SEMA3A: variants seen among roughly 807,000 people sequenced by gnomAD.
The protein encoded by SEMA3A is semaphorin 3A.
A neutral mutation model predicts 97.9 loss-of-function variants in SEMA3A; 29 were observed. The observed-to-expected ratio is 0.30, with a 90% CI of 0.22 to 0.40. The LOEUF (loss-of-function observed/expected upper bound fraction) is 0.40. Ranked by LOEUF, SEMA3A falls within the 10% of genes least tolerant of loss-of-function variation. The pLI is 1.00. For missense variants in SEMA3A, 763 were observed against 951.3 expected (o/e 0.80, Z 2.60); for synonymous variants, 321 against 323.7 (o/e 0.99, Z 0.09).
intron 13 of SEMA3A, among the ~76,000 whole-genome samples, chr7:83,983,222 T>C (rs146748285): frequency 1.7e-5 from 2 of 117,248 alleles, no homozygotes; most frequent in South Asian, 2.4e-4. Context: ...TCCTTTTCTT[T>C]TTCTTTCTTT....
intron 3 of SEMA3A, among the ~76,000 whole-genome samples, chr7:84,299,283 T>C (rs1398797915): frequency 1.4e-5 from 2 of 141,082 alleles, no homozygotes; most frequent in Non-Finnish European, 3.0e-5. Context: ...TCTCCATATA[T>C]ATATCTATCT....
rs150613141 is a variant in SEMA3A at position 83,961,817 on chromosome 7, C to T, written c.1870G>A (p.Asp624Asn). Residue 624 changes from aspartate to asparagine, a missense_variant, in exon 17 of 17, where the codon GAT becomes AAT. Coordinates refer to ENST00000265362, the MANE Select transcript of SEMA3A (RefSeq NM_006080.3). The part of the protein sequence containing the change: ...NEERKEEIRV[D>N]DHIIRTDQGL... ...TGATCTGTCCTGATGATATGATCAT[C>T]CACTCTGATCTAGCAGGTTAAAAAA... 86 of 1,612,140 alleles carry T rather than the reference C, an allele frequency of 5.3e-5. No homozygotes were observed. In the African/African-American group the frequency reaches 1.1e-3, roughly 20 times the overall value.
chr7:84,088,902 T>C (rs565151067), intron 4 of SEMA3A, among the ~76,000 whole-genome samples: 46 of 152,134 alleles, frequency 3.0e-4, no homozygotes, highest in Non-Finnish European at 6.5e-4. Flanking sequence ...CAGAATGTTC[T>C]TTCATGTTAA....
At chr7:84,208,523 T>A (rs1488949034) in intron 3 of SEMA3A, among the ~76,000 whole-genome samples, 1 of 152,036 alleles carries the variant, frequency 6.6e-6, no homozygotes, top group African/African-American at 2.4e-5. Flanking sequence ...AGGGAGGCAA[T>A]GTAAGACTAG....
chr7:84,443,880 C>T (rs1159860781), intron 1 of SEMA3A, among the ~76,000 whole-genome samples: 2 of 92,400 alleles, frequency 2.2e-5, no homozygotes, highest in African/African-American at 7.9e-5. Flanking sequence ...GTGCTTTGTC[C>T]TTTTTTTTTT....
intron 1 of SEMA3A, among the ~76,000 whole-genome samples, chr7:84,181,696 C>T (rs1429913626): frequency 2.0e-5 from 3 of 152,020 alleles, no homozygotes; most frequent in Non-Finnish European, 2.9e-5. Flanking sequence ...ATTTAAGTTG[C>T]TATTTTTAAA....
intron 1 of SEMA3A, among the ~76,000 whole-genome samples, chr7:84,160,567 A>AAAAC (rs960918753): frequency 1.3e-5 from 2 of 151,602 alleles, no homozygotes; most frequent in East Asian, 3.9e-4. Context: ...GAAATAAATA[A>AAAAC]AAACAAACAA....
intron 5 of SEMA3A, among the ~76,000 whole-genome samples, chr7:84,056,892 C>T (rs906567416): frequency 1.3e-5 from 2 of 152,152 alleles, no homozygotes; most frequent in Non-Finnish European, 2.9e-5. Flanking sequence ...TTTATCTTTG[C>T]ATATATTAAA....
intron 4 of SEMA3A, among the ~76,000 whole-genome samples, chr7:84,071,759 G>T (rs1025904459): frequency 6.6e-6 from 1 of 151,624 alleles, no homozygotes; most frequent in South Asian, 2.1e-4. Context: ...TTTTTTATTA[G>T]ATTTTTTTAA....
At chr7:84,064,389 A>T (rs1748845823) in intron 4 of SEMA3A, among the ~76,000 whole-genome samples, 1 of 152,220 alleles carries the variant, frequency 6.6e-6, no homozygotes, top group Non-Finnish European at 1.5e-5. Context: ...AGGTAACATC[A>T]TAATGACAGG....
intron 2 of SEMA3A, among the ~76,000 whole-genome samples, chr7:84,360,787 A>AT (rs1221830135): frequency 2.6e-5 from 4 of 151,744 alleles, no homozygotes; most frequent in African/African-American, 4.8e-5. Context: ...TAAAACCTAC[A>AT]TTTTTTATTT....
chr7:84,139,029 A>G (rs1476234044), intron 1 of SEMA3A, among the ~76,000 whole-genome samples: 2 of 152,068 alleles, frequency 1.3e-5, no homozygotes, highest in African/African-American at 2.4e-5. Flanking sequence ...TGCCTCCAAT[A>G]TTAAATAACT....
chr7:84,158,825 C>G (rs1157910542), intron 1 of SEMA3A, among the ~76,000 whole-genome samples: 1 of 152,042 alleles, frequency 6.6e-6, no homozygotes, highest in Non-Finnish European at 1.5e-5. Context: ...TAATTTCTTT[C>G]TAGAATTTTT....
At chr7:84,415,103 T>G (rs1243165483) in intron 1 of SEMA3A, among the ~76,000 whole-genome samples, 2 of 152,134 alleles carry the variant, frequency 1.3e-5, no homozygotes, top group African/African-American at 4.8e-5. Context: ...AAGATAGTAT[T>G]GCTGGATTAG....
intron 1 of SEMA3A, among the ~76,000 whole-genome samples, chr7:84,185,552 A>G (rs1379705707): frequency 1.3e-5 from 2 of 151,794 alleles, no homozygotes; most frequent in Admixed American, 6.6e-5. Context: ...TTAGCCAGGC[A>G]TGGTGATACA....
chr7:84,300,347 A>T (rs1321486010), intron 3 of SEMA3A, among the ~76,000 whole-genome samples: 2 of 152,120 alleles, frequency 1.3e-5, no homozygotes, highest in African/African-American at 4.8e-5. Flanking sequence ...TTTCAGGTGG[A>T]AAGCATGTAC....
chr7:84,041,653 C>T (rs888235537), intron 6 of SEMA3A, among the ~76,000 whole-genome samples: 3 of 151,996 alleles, frequency 2.0e-5, no homozygotes, highest in African/African-American at 7.2e-5. Flanking sequence ...ATAATTCAAA[C>T]GTTTTAAAAT....
chr7:84,162,330 G>A (rs1797061042), intron 1 of SEMA3A, among the ~76,000 whole-genome samples: 1 of 152,082 alleles, frequency 6.6e-6, no homozygotes, highest in Admixed American at 6.6e-5. Context: ...TTTTACAAAT[G>A]TAAATGTGCA....
intron 2 of SEMA3A, among the ~76,000 whole-genome samples, chr7:84,332,667 G>A (rs891576212): frequency 8.4e-6 from 1 of 118,700 alleles, no homozygotes; most frequent in Non-Finnish European, 1.6e-5. Context: ...AAATATATGT[G>A]TGTGTATACA....
Sources: gnomAD v4.1 joint callset for allele counts (sites outside exome capture counted in the v4.1 genomes callset) on GRCh38, gnomAD v4.1.1 for gene constraint, MANE v1.5 for transcripts, NCBI Gene and HGNC (gene_info 2026-07-23, HGNC 2026-07-21) for gene names.